Variants in PTCD3 observed in about 807,000 individuals in gnomAD.
PTCD3 encodes small ribosomal subunit protein mS39.
Under a neutral mutation model 101.9 loss-of-function variants are expected in PTCD3, and 89 were observed. The observed-to-expected ratio is 0.87, with a 90% CI of 0.74 to 1.04. The LOEUF is 1.04. Among genes scored for constraint, PTCD3 ranks in the 50% least tolerant of loss-of-function variants. The pLI, the probability that PTCD3 is intolerant of heterozygous loss-of-function variation, is 0.00. For missense variants in PTCD3, 870 were observed against 828.2 expected, an observed-to-expected ratio of 1.05 and a Z score of -0.62; for synonymous variants, 296 against 278.5, an observed-to-expected ratio of 1.06 and a Z score of -0.63.
rs139125161 is a variant in PTCD3, at chr2:86,129,372, A to G, written c.1148-1276A>G. On this transcript the variant is annotated intron_variant, in intron 14 of 23. Coordinates refer to ENST00000254630, the MANE Select transcript of PTCD3 (RefSeq NM_017952.6). ...GTATATAAATTTGCCTGTCTGCAGC[A>G]GTAGTTTTGGCTTACGCCTGTAATC... Among the ~76,000 whole-genome samples, 395 of 152,358 alleles carry G rather than the reference A, an allele frequency of 2.6e-3. 1 individual carries two copies. Among genetic ancestry groups the G allele is most frequent in the African/African-American group, 8.9e-3 (371 of 41,582 alleles).
At chr2:86,116,695 C>A in intron 5 of PTCD3, 97 bp downstream of exon 5, 1 of 916,034 alleles carries the variant, frequency 1.1e-6, no homozygotes, top group Non-Finnish European at 1.7e-6. Flanking sequence ...GAAAGGTTTA[C>A]AAATGCTGAG....
At chr2:86,130,945 C>T (rs1674484449) in intron 15 of PTCD3, 133 bp from the exon 16 acceptor site, 1 of 1,400,566 alleles carries the variant, frequency 7.1e-7, no homozygotes. Flanking sequence ...ATTCCTGCCT[C>T]TCTTAAGTTT....
At chr2:86,114,571 A>T (rs1270848302) in intron 4 of PTCD3, among the ~76,000 whole-genome samples, 1 of 152,230 alleles carries the variant, frequency 6.6e-6, no homozygotes, top group Non-Finnish European at 1.5e-5. Context: ...AAAGCTTTCC[A>T]CTTGAGAGTG....
rs561822082 is a variant in PTCD3 at position 86,115,006 on chromosome 2, A to T, written c.241-1524A>T. Among the ~76,000 whole-genome samples, 15 of 152,324 alleles carry T rather than the reference A, an allele frequency of 9.8e-5. No homozygotes were observed. The East Asian group carries it at 2.9e-3, about 29-fold the overall frequency. On this transcript the variant is annotated intron_variant, in intron 4 of 23. Transcript: ENST00000254630. ...AGTTTTTAGGGGAGGCTGGCCATGT[A>T]GACCACCCACTGGCTGGCATATATT...
chr2:86,111,583 G>A (rs1674084930), intron 4 of PTCD3, among the ~76,000 whole-genome samples: 1 of 150,874 alleles, frequency 6.6e-6, no homozygotes, highest in Non-Finnish European at 1.5e-5. Context: ...GCGAGACTCT[G>A]TCTCAAAAAA....
intron 20 of PTCD3, 142 bp from the exon 21 acceptor site, chr2:86,134,697 T>A: frequency 1.0e-6 from 1 of 985,218 alleles, no homozygotes; most frequent in East Asian, 2.4e-5. Flanking sequence ...CCTTTTTTTA[T>A]TAAATTACTT....
At position 86,141,737 on chromosome 2, in the gene PTCD3, T is replaced by C. The variant is rs1246905931; in HGVS notation, c.*4178T>C. The C allele has an allele frequency of 7.5e-6, 1 of 134,122 alleles. No homozygotes were observed. The highest frequency in any genetic ancestry group is 1.9e-4 in the East Asian group (1 of 5,192). 8.3% of individuals were successfully genotyped at this position (134,122 alleles called of 1,614,324 possible). On this transcript the variant is annotated 3_prime_UTR_variant, in exon 24 of 24. Transcript: ENST00000254630. ...ATTGAGGATGAAACCAAGACAGAAGTGATGATTTGGCTTTTTATGATTTTT... is the reference window on the plus strand; with the variant it reads ...ATTGAGGATGAAACCAAGACAGAAGCGATGATTTGGCTTTTTATGATTTTT...
rs948722005 is a variant in PTCD3, at chr2:86,140,184, C to T, written c.*2625C>T. The T allele has an allele frequency of 7.0e-6, 1 of 142,758 alleles. No individual in the cohort carries two copies. The highest frequency in any genetic ancestry group is 1.5e-5 in the Non-Finnish European group (1 of 67,010). 8.8% of individuals were successfully genotyped at this position (142,758 alleles called of 1,614,324 possible). On this transcript the variant is annotated 3_prime_UTR_variant, in exon 24 of 24. Transcript: ENST00000254630. ...GAAACAGAACTTCGAGAAGTCCTAA[C>T]GTAACCACAGTAAAGCAGACTCCCC...
At chr2:86,112,659 G>A (rs1182045831) in intron 4 of PTCD3, among the ~76,000 whole-genome samples, 10 of 142,462 alleles carry the variant, frequency 7.0e-5, no homozygotes, top group African/African-American at 2.7e-4. Context: ...TCCAGCCTGG[G>A]TGAGTTAGTG....
Position 86,111,168 on chromosome 2 carries a change from A to G in PTCD3, c.240+10A>G, listed in dbSNP as rs754611289. 2 of 1,610,430 alleles carry G rather than the reference A, an allele frequency of 1.2e-6. No individual in the cohort carries two copies. The highest frequency in any genetic ancestry group is 3.3e-5 in the Admixed American group (2 of 59,926). On this transcript the variant is annotated intron_variant, in intron 4 of 23. Coordinates refer to ENST00000254630, the MANE Select transcript of PTCD3 (RefSeq NM_017952.6). ...ATCCACAGTAAACAGGGTAAGTAGG[A>G]TTTTGTGTTTTTTTTTAACCTAAAA... is the stretch of plus-strand genomic sequence containing the variant.
chr2:86,134,334 A>G lies in PTCD3; in HGVS notation c.1586A>G (p.Glu529Gly), dbSNP rs1331850214. 1 of 1,613,644 alleles carries G rather than the reference A, an allele frequency of 6.2e-7. No individual in the cohort carries two copies. The highest frequency in any genetic ancestry group is 8.5e-7 in the Non-Finnish European group (1 of 1,179,584). ...CATACTTTCCGCAGTGACCTGAGAG[A>G]AGAGATCCTGATGCTCATGGCAAGG... ...YGHTFRSDLR[E>G]EILMLMARDK... Residue 529 changes from glutamate to glycine, a missense_variant, in exon 20 of 24, where the codon GAA becomes GGA. Transcript: ENST00000254630.
rs1406406989 is a variant in PTCD3, at chr2:86,117,026, C to T, written c.310-29C>T. ...TATAATCTTGCTTGAGTTTAAATTA[C>T]ATGTATTTAAATCTTTTTCTTTATA... On this transcript the variant is annotated intron_variant, in intron 5 of 23. Transcript: ENST00000254630. The T allele has an allele frequency of 8.0e-6, 7 of 870,674 alleles. No homozygotes were observed. In the Admixed American group the frequency reaches 1.2e-4, roughly 15 times the overall value. 53.9% of individuals were successfully genotyped at this position (870,674 alleles called of 1,614,324 possible).
At chr2:86,108,250 C>A in intron 1 of PTCD3, 100 bp from the exon 2 acceptor site, 2 of 1,326,056 alleles carry the variant, frequency 1.5e-6, no homozygotes, top group Non-Finnish European at 2.1e-6. Flanking sequence ...CAGTTTAATC[C>A]GTGATAATTG....
At chr2:86,132,135 A>G (rs561755780) in intron 16 of PTCD3, among the ~76,000 whole-genome samples, 183 bp from the exon 17 acceptor site, 18 of 152,360 alleles carry the variant, frequency 1.2e-4, no homozygotes, top group Admixed American at 1.1e-3. Context: ...TTAAAATAAT[A>G]TTGTAATAAA....
In PTCD3 at chr2:86,128,122, ACAGCCTGAG is replaced by A. The variant is rs1674428987; in HGVS notation, c.1147+135_1147+143del. 1.4e-5 allele frequency: 11 copies of A among 802,380 alleles called. No individual in the cohort carries two copies. In the South Asian group the frequency reaches 1.6e-4, roughly 12 times the overall value. 49.7% of individuals were successfully genotyped at this position (802,380 alleles called of 1,614,324 possible). ...AGAGAGAATTTGTAAATTAACCTGT[ACAGCCTGAG>A]CAGAAAGTTGTGGTTTTTTTAGATA... On this transcript the variant is annotated intron_variant, in intron 14 of 23. Transcript: ENST00000254630.
At position 86,131,117 on chromosome 2, in the gene PTCD3, TTTCTTTATTAA is replaced by T; in HGVS notation, c.1266+14_1266+24del. On this transcript the variant is annotated intron_variant, in intron 16 of 23. Transcript: ENST00000254630. ...TCAGCCATGAGCATAGTAAGTATCA[TTTCTTTATTAA>T]TTTGCTATCCATTTCCTAAATTTAT... 6 of 1,582,044 alleles carry T rather than the reference TTTCTTTATTAA, an allele frequency of 3.8e-6. No individual in the cohort carries two copies. Among genetic ancestry groups the T allele is most frequent in the Non-Finnish European group, 5.2e-6 (6 of 1,162,396 alleles).
intron 8 of PTCD3, among the ~76,000 whole-genome samples, chr2:86,123,153 T>C (rs1254089162): frequency 6.6e-6 from 1 of 151,652 alleles, no homozygotes; most frequent in Admixed American, 6.6e-5. Flanking sequence ...TCCCAGCTAC[T>C]CCGGAGGCTG....
intron 17 of PTCD3, chr2:86,132,870 T>A: frequency 2.6e-6 from 1 of 388,086 alleles, no homozygotes; most frequent in Non-Finnish European, 4.6e-6. Context: ...AGAATTGTTT[T>A]CTGTGTATCC....
chr2:86,135,109 C>A, intron 21 of PTCD3, 122 bp downstream of exon 21: 3 of 1,207,376 alleles, frequency 2.5e-6, no homozygotes, highest in Non-Finnish European at 2.3e-6. Context: ...CGGGAACTTG[C>A]AAATACCAAC....
Sources: allele counts gnomAD v4.1 joint callset (sites outside exome capture counted in the v4.1 genomes callset), GRCh38; gene constraint gnomAD v4.1.1; transcripts MANE v1.5; gene names NCBI Gene and HGNC (gene_info 2026-07-23, HGNC 2026-07-21).